The following TAAR1 variants were observed in gnomAD, a reference collection of about 807,000 sequenced individuals.
TAAR1 encodes the protein trace amine associated receptor 1, also known as trace amine-associated receptor 1.
TAAR1 carries 1 observed loss-of-function variant against 1.2 expected under a neutral mutation model. The observed-to-expected ratio is 0.81, with a 90% CI of 0.29 to 3.86. The LOEUF (loss-of-function observed/expected upper bound fraction) is 3.86, where lower values mean the gene tolerates loss of function less well. Among genes scored for constraint, TAAR1 ranks in the 30% most tolerant of loss-of-function variants. The pLI, the probability that TAAR1 is intolerant of heterozygous loss-of-function variation, is 0.18. For synonymous variants in TAAR1, 153 were observed against 132.2 expected, an observed-to-expected ratio of 1.16 and a Z score of -1.08; for missense variants, 445 against 405.6, an observed-to-expected ratio of 1.10 and a Z score of -0.83.
chr6:132,653,084 G>T (rs1777766095), intron 1 of TAAR1, among the ~76,000 whole-genome samples: 1 of 152,112 alleles, frequency 6.6e-6, no homozygotes, highest in African/African-American at 2.4e-5. Flanking sequence ...GGATGAAGAG[G>T]TTCTCAGCAT....
In TAAR1 at chr6:132,656,110, C is replaced by T. The variant is rs111365378; in HGVS notation, c.-127+3020G>A. On this transcript the variant is annotated intron_variant, in intron 1 of 1. Coordinates refer to ENST00000275216, the MANE Select transcript of TAAR1 (RefSeq NM_138327.4). ...GCTGGGCCATTCACTGGTCCTGTGA[C>T]CTTGAACATACTACCCAGCCTCCAG... Among the ~76,000 whole-genome samples, 1,136 of 152,200 alleles carry T rather than the reference C, an allele frequency of 7.5e-3. 15 individuals are homozygous for T. The highest frequency in any genetic ancestry group is 0.026 in the African/African-American group (1,061 of 41,508).
chr6:132,645,405 T>C lies in TAAR1; in HGVS notation c.599A>G (p.Tyr200Cys). The C allele has an allele frequency of 1.2e-6, 2 of 1,613,610 alleles. No homozygotes were observed. The highest frequency in any genetic ancestry group is 1.7e-6 in the Non-Finnish European group (2 of 1,179,766). Reference sequence around the variant, plus strand: ...ACATAACATAATAGATCCAGGTATATAAAAAGAAGTCATAAAGGTCAGTAC... The same window carrying C: ...ACATAACATAATAGATCCAGGTATACAAAAAGAAGTCATAAAGGTCAGTAC... ...SGVLTFMTSFYIPGSIMLCVY... is the reference protein window; with the variant it reads ...SGVLTFMTSFCIPGSIMLCVY... The change falls in exon 2 of 2, where the codon TAT (tyrosine) becomes TGT (cysteine). Residue 200 changes from tyrosine to cysteine, a missense_variant. Physicochemically the swap from Tyr to Cys is radical, Grantham distance 194. Coordinates refer to ENST00000275216, the MANE Select transcript of TAAR1 (RefSeq NM_138327.4).
At chr6:132,653,646 T>C (rs1029431296) in intron 1 of TAAR1, among the ~76,000 whole-genome samples, 9 of 152,234 alleles carry the variant, frequency 5.9e-5, no homozygotes, top group African/African-American at 2.2e-4. Context: ...ATAAATAGTC[T>C]AAAATACATG....
intron 1 of TAAR1, among the ~76,000 whole-genome samples, chr6:132,651,802 T>C (rs1297733084): frequency 6.6e-6 from 1 of 152,134 alleles, no homozygotes; most frequent in Non-Finnish European, 1.5e-5. Context: ...TGGTAGAACA[T>C]GAGTCTCAAA....
rs1403615268 is a variant in TAAR1, at chr6:132,644,386, A to ATTTTAT, written c.*592_*597dup. On this transcript the variant is annotated 3_prime_UTR_variant, in exon 2 of 2. Transcript: ENST00000275216. ...TTTTAATTTCATTTGGTTTGTATAT[A>ATTTTAT]TTTTATTTTTATATTTTCCTTTATT... Among the ~76,000 whole-genome samples, 1 of 151,974 alleles carries ATTTTAT rather than the reference A, an allele frequency of 6.6e-6. No individual in the cohort carries two copies. The highest frequency in any genetic ancestry group is 1.5e-5 in the Non-Finnish European group (1 of 67,926).
At chr6:132,654,556 A>C (rs1562204666) in intron 1 of TAAR1, among the ~76,000 whole-genome samples, 1 of 152,218 alleles carries the variant, frequency 6.6e-6, no homozygotes, top group Non-Finnish European at 1.5e-5. Context: ...TAAATGGGGC[A>C]CTGTATACAG....
At chr6:132,654,269 G>A (rs187286983) in intron 1 of TAAR1, among the ~76,000 whole-genome samples, 34 of 152,324 alleles carry the variant, frequency 2.2e-4, no homozygotes, top group African/African-American at 7.9e-4. Context: ...GTTCTATCCT[G>A]GATGAGAGTG....
At chr6:132,658,931 A>G (rs541530151) in intron 1 of TAAR1, among the ~76,000 whole-genome samples, 199 bp downstream of exon 1, 26 of 152,334 alleles carry the variant, frequency 1.7e-4, no homozygotes, top group South Asian at 1.2e-3. Context: ...TTCTCTTGCT[A>G]AAGGGGCTAC....
intron 1 of TAAR1, among the ~76,000 whole-genome samples, chr6:132,653,856 GCC>G (rs1777773769): frequency 6.6e-6 from 1 of 152,146 alleles, no homozygotes; most frequent in South Asian, 2.1e-4. Context: ...TTTGGTTCTT[GCC>G]CAATCGGTGA....
intron 1 of TAAR1, among the ~76,000 whole-genome samples, chr6:132,651,708 C>T (rs1389732224): frequency 6.6e-6 from 1 of 152,180 alleles, no homozygotes; most frequent in Non-Finnish European, 1.5e-5. Context: ...TGCTTCTTCT[C>T]CTGTCTCTCC....
intron 1 of TAAR1, among the ~76,000 whole-genome samples, chr6:132,652,024 A>G (rs1777755204): frequency 6.6e-6 from 1 of 152,102 alleles, no homozygotes. Flanking sequence ...CCCATCTATA[A>G]CCTACTTAAA....
chr6:132,649,271 C>T (rs1777721581), intron 1 of TAAR1, among the ~76,000 whole-genome samples: 2 of 152,070 alleles, frequency 1.3e-5, no homozygotes, highest in Non-Finnish European at 2.9e-5. Flanking sequence ...ACTCTTTGTT[C>T]TAACTAAAAC....
At chr6:132,658,543 G>T (rs966640480) in intron 1 of TAAR1, among the ~76,000 whole-genome samples, 3 of 152,066 alleles carry the variant, frequency 2.0e-5, no homozygotes, top group Non-Finnish European at 4.4e-5. Context: ...AGTTTAAGTT[G>T]AAAGGGATTA....
intron 1 of TAAR1, among the ~76,000 whole-genome samples, chr6:132,651,915 G>A (rs954515399): frequency 1.3e-5 from 2 of 152,188 alleles, no homozygotes; most frequent in African/African-American, 4.8e-5. Context: ...GTGACATGCT[G>A]CATCTGTGCC....
intron 1 of TAAR1, among the ~76,000 whole-genome samples, chr6:132,647,552 A>AAAG (rs1562202888): frequency 7.4e-6 from 1 of 135,626 alleles, no homozygotes; most frequent in African/African-American, 3.3e-5. Flanking sequence ...GAAGAAAGAA[A>AAAG]AAAGAAAGGA....
chr6:132,659,010 A>G (rs527524826), intron 1 of TAAR1, among the ~76,000 whole-genome samples, 120 bp downstream of exon 1: 2 of 152,212 alleles, frequency 1.3e-5, no homozygotes, highest in Non-Finnish European at 2.9e-5. Context: ...TAACAGATGG[A>G]TAAGTACCAA....
Position 132,645,618 on chromosome 6 carries a change from A to C in TAAR1, c.386T>G (p.Leu129Arg). The C allele has an allele frequency of 6.2e-7, 1 of 1,613,538 alleles. No individual in the cohort carries two copies. Among genetic ancestry groups the C allele is most frequent in the Non-Finnish European group, 8.5e-7 (1 of 1,179,676 alleles). ...IDRYYAVCDP[L>R]RYKAKMNILV... Reference sequence around the variant, plus strand: ...GATATTCATCTTGGCTTTATATCTCAGTGGATCACACACAGCATAGTAGCG... The same window carrying C: ...GATATTCATCTTGGCTTTATATCTCCGTGGATCACACACAGCATAGTAGCG... Residue 129 changes from leucine (L) to arginine (R), a missense_variant, in exon 2 of 2, where the codon CTG becomes CGG. Leu to Arg is a moderately radical substitution (Grantham distance 102, BLOSUM62 -2). Coordinates refer to ENST00000275216, the MANE Select transcript of TAAR1 (RefSeq NM_138327.4).
chr6:132,655,406 G>C (rs114653577), intron 1 of TAAR1, among the ~76,000 whole-genome samples: 2 of 143,662 alleles, frequency 1.4e-5, no homozygotes, highest in African/African-American at 5.2e-5. Context: ...TTGAAACAAG[G>C]TCTTGCTGTG....
intron 1 of TAAR1, among the ~76,000 whole-genome samples, chr6:132,649,793 C>T (rs1463333896): frequency 2.6e-5 from 4 of 152,062 alleles, no homozygotes; most frequent in African/African-American, 7.2e-5. Context: ...TTCCATGACA[C>T]GTGGGGATTA....
Sources: allele counts gnomAD v4.1 joint callset (sites outside exome capture counted in the v4.1 genomes callset), GRCh38; gene constraint gnomAD v4.1.1; transcripts MANE v1.5; gene names NCBI Gene and HGNC (gene_info 2026-07-23, HGNC 2026-07-21).